Variants in SLC9A9 observed in about 807,000 individuals in gnomAD.
SLC9A9 encodes solute carrier family 9 member A9.
A neutral mutation model predicts 77.8 loss-of-function variants in SLC9A9; 62 were observed. That is an observed-to-expected ratio of 0.80 (90% CI 0.65 to 0.98). The LOEUF (loss-of-function observed/expected upper bound fraction) is 0.98. Ranked by LOEUF, SLC9A9 falls within the 50% of genes least tolerant of loss-of-function variation. The probability of loss-of-function intolerance (pLI) is 0.00; values close to 1 mark genes in which losing one functional copy is unlikely to be tolerated. For synonymous variants in SLC9A9, 320 were observed against 283.5 expected (o/e 1.13, Z -1.29); for missense variants, 775 against 774.9 (o/e 1.00, Z 0.00).
chr3:143,518,198 G>T (rs1192918675), intron 9 of SLC9A9: 2 of 1,598,664 alleles, frequency 1.3e-6, no homozygotes, highest in Non-Finnish European at 1.7e-6. Context: ...TTTCACAAAG[G>T]CCCGAAGCTT....
At chr3:143,608,918 G>A (rs1045467493) in intron 6 of SLC9A9, among the ~76,000 whole-genome samples, 1 of 152,030 alleles carries the variant, frequency 6.6e-6, no homozygotes, top group Non-Finnish European at 1.5e-5. Context: ...AGTGATGAGT[G>A]CTAGTTTTTT....
intron 5 of SLC9A9, among the ~76,000 whole-genome samples, chr3:143,663,052 C>T (rs950929454): frequency 6.6e-6 from 1 of 152,168 alleles, no homozygotes; most frequent in African/African-American, 2.4e-5. Context: ...CTGACTGACA[C>T]CTCATACAGC....
chr3:143,400,452 G>A (rs746720329), intron 12 of SLC9A9, among the ~76,000 whole-genome samples: 21 of 152,174 alleles, frequency 1.4e-4, no homozygotes, highest in South Asian at 4.1e-4. Context: ...ACCAAACGTC[G>A]TATGTTCTCA....
At chr3:143,515,185 C>G (rs995532454) in intron 9 of SLC9A9, among the ~76,000 whole-genome samples, 2 of 152,188 alleles carry the variant, frequency 1.3e-5, no homozygotes, top group African/African-American at 4.8e-5. Context: ...ACACAGACAA[C>G]TATTAAGTTT....
chr3:143,619,002 C>T lies in SLC9A9; in HGVS notation c.755+33253G>A, dbSNP rs575140594. ...TTGGGATAGCTTCCACAATCAAGCT[C>T]ATCATAACAGTGAAAATAATTTTAC... On this transcript the variant is annotated intron_variant, in intron 6 of 15. Transcript: ENST00000316549. 3.9e-5 allele frequency among the ~76,000 whole-genome samples: 6 copies of T among 152,246 alleles called. No homozygotes were observed. In the South Asian group the frequency reaches 1.2e-3, roughly 32 times the overall value.
chr3:143,687,079 A>G (rs1318592096), intron 5 of SLC9A9, among the ~76,000 whole-genome samples: 1 of 152,118 alleles, frequency 6.6e-6, no homozygotes, highest in African/African-American at 2.4e-5. Context: ...GATCTTCATC[A>G]GTAAGGAAAG....
chr3:143,652,202 T>C, intron 6 of SLC9A9, 53 bp downstream of exon 6: 4 of 1,377,522 alleles, frequency 2.9e-6, no homozygotes, highest in Middle Eastern at 2.2e-4. Flanking sequence ...AAGATACAAG[T>C]GAAAGCATAT....
intron 1 of SLC9A9, among the ~76,000 whole-genome samples, chr3:143,843,865 A>G (rs1283386716): frequency 1.3e-5 from 2 of 152,206 alleles, no homozygotes; most frequent in African/African-American, 4.8e-5. Context: ...ATTGTCATTT[A>G]TGCTTCCAGT....
chr3:143,725,811 C>T (rs965054556), intron 4 of SLC9A9, among the ~76,000 whole-genome samples: 25 of 150,460 alleles, frequency 1.7e-4, no homozygotes, highest in African/African-American at 5.9e-4. Context: ...GGGTGCAGCA[C>T]ACCAGCATGG....
intron 6 of SLC9A9, among the ~76,000 whole-genome samples, chr3:143,614,138 T>C (rs2108703184): frequency 6.6e-6 from 1 of 152,282 alleles, no homozygotes; most frequent in African/African-American, 2.4e-5. Context: ...TTCCTTAGTT[T>C]CCTCTGGGAG....
intron 13 of SLC9A9, among the ~76,000 whole-genome samples, chr3:143,372,201 T>C (rs543507066): frequency 1.3e-5 from 2 of 152,284 alleles, no homozygotes; most frequent in Middle Eastern, 6.8e-3. Context: ...TTTCACAGAA[T>C]TAGAAAAAAC....
chr3:143,733,360 T>C (rs1313129971), intron 4 of SLC9A9, among the ~76,000 whole-genome samples: 1 of 151,156 alleles, frequency 6.6e-6, no homozygotes, highest in African/African-American at 2.4e-5. Context: ...GAAATGGGGG[T>C]AGGAGGAGGG....
Position 143,517,892 on chromosome 3 carries a change from T to C in SLC9A9, c.1090-22444A>G. 9.1e-6 allele frequency: 14 copies of C among 1,540,906 alleles called. No individual in the cohort carries two copies. The South Asian group carries it at 1.5e-4, about 16-fold the overall frequency. On this transcript the variant is annotated intron_variant, in intron 9 of 15. Coordinates refer to ENST00000316549, the MANE Select transcript of SLC9A9 (RefSeq NM_173653.4). ...AGCAGCCACTTTTTAATCATTTGCCTGATCCATCATCTCCTCCGTTATCTC... is the reference window on the plus strand; with the variant it reads ...AGCAGCCACTTTTTAATCATTTGCCCGATCCATCATCTCCTCCGTTATCTC...
At chr3:143,581,981 G>C (rs945729319) in intron 6 of SLC9A9, among the ~76,000 whole-genome samples, 1 of 152,124 alleles carries the variant, frequency 6.6e-6, no homozygotes, top group African/African-American at 2.4e-5. Flanking sequence ...CACATGGCAG[G>C]GTATAAAAAG....
chr3:143,266,180 G>A lies in SLC9A9; in HGVS notation c.*522C>T. 1 of 697,620 alleles carries A rather than the reference G, an allele frequency of 1.4e-6. No homozygotes were observed. The highest frequency in any genetic ancestry group is 2.3e-4 in the Middle Eastern group (1 of 4,296). 43.2% of individuals were successfully genotyped at this position (697,620 alleles called of 1,614,324 possible). On this transcript the variant is annotated 3_prime_UTR_variant, in exon 16 of 16. Transcript: ENST00000316549. Reference sequence around the variant, plus strand: ...GCAGTGGGTACGGAACACTTCTCTGGGCTCTGCCCTGGGGTCACTGAGAGC... The same window carrying A: ...GCAGTGGGTACGGAACACTTCTCTGAGCTCTGCCCTGGGGTCACTGAGAGC...
intron 11 of SLC9A9, among the ~76,000 whole-genome samples, chr3:143,478,318 G>A (rs1421907730): frequency 4.6e-5 from 7 of 152,198 alleles, no homozygotes; most frequent in Non-Finnish European, 8.8e-5. Flanking sequence ...AATGTGGTGC[G>A]AGTGACCAGG....
chr3:143,404,655 T>C (rs2033937566), intron 12 of SLC9A9, among the ~76,000 whole-genome samples: 1 of 152,224 alleles, frequency 6.6e-6, no homozygotes, highest in Non-Finnish European at 1.5e-5. Flanking sequence ...TTTCCATGTA[T>C]ATGTATTTTT....
In SLC9A9 at chr3:143,415,139, A is replaced by G. The variant is rs201591539; in HGVS notation, c.1470-33025T>C. Among the ~76,000 whole-genome samples the G allele has an allele frequency of 5.6e-4, 85 of 152,366 alleles. No homozygotes were observed. In the East Asian group the frequency reaches 0.013, roughly 24 times the overall value. ...GAGAGGGGTGAGGAAACTGCAGAAG[A>G]AAAGTTTGAAGCTAGCAGAAGCTAG... On this transcript the variant is annotated intron_variant, in intron 12 of 15. Coordinates refer to ENST00000316549, the MANE Select transcript of SLC9A9 (RefSeq NM_173653.4).
rs926948599 is a variant in SLC9A9, at chr3:143,265,893, G to A, written c.*809C>T. On this transcript the variant is annotated 3_prime_UTR_variant, in exon 16 of 16. Transcript: ENST00000316549. ...CTACCCTCCAGCATATCGCGGGGAG[G>A]GGGGGACCTGCTGCACAGCCAAGAA... is the stretch of plus-strand genomic sequence containing the variant. The A allele has an allele frequency of 1.2e-5, 7 of 608,054 alleles. No individual in the cohort carries two copies. Among genetic ancestry groups the A allele is most frequent in the East Asian group, 2.8e-5 (1 of 36,066 alleles). The allele number at this position is 608,054 out of a possible 1,614,324, so 37.7% of individuals were successfully genotyped here. A position where few individuals can be genotyped will look rare whatever the true frequency, so the allele number is the denominator to read the frequency against.
Sources: allele counts gnomAD v4.1 joint callset (sites outside exome capture counted in the v4.1 genomes callset), GRCh38; gene constraint gnomAD v4.1.1; transcripts MANE v1.5; gene names NCBI Gene and HGNC (gene_info 2026-07-23, HGNC 2026-07-21).